ZFPM2: variants seen among roughly 807,000 people sequenced by gnomAD.
ZFPM2 encodes the protein zinc finger protein ZFPM2.
Under a neutral mutation model 98.6 loss-of-function variants are expected in ZFPM2, and 20 were observed. The observed-to-expected ratio is 0.20, with a 90% confidence interval of 0.14 to 0.29. The LOEUF is 0.29. Among genes scored for constraint, ZFPM2 ranks in the 10% least tolerant of loss-of-function variants. The pLI, the probability that ZFPM2 is intolerant of heterozygous loss-of-function variation, is 1.00. For synonymous variants in ZFPM2, 518 were observed against 502.7 expected, an observed-to-expected ratio of 1.03 and a Z score of -0.41; for missense variants, 1,310 against 1,388.6, an observed-to-expected ratio of 0.94 and a Z score of 0.90.
intron 3 of ZFPM2, among the ~76,000 whole-genome samples, chr8:105,454,791 CATTATTT>C (rs1812555739): frequency 6.6e-6 from 1 of 152,178 alleles, no homozygotes; most frequent in Admixed American, 6.5e-5. Context: ...GCATCGTTCT[CATTATTT>C]AAAACTTTTT....
In ZFPM2 at chr8:105,363,979, T is replaced by G. The variant is rs556724727; in HGVS notation, c.40+44998T>G. ...ATATTCTTGAAAACTGAGATATAGGTTTTTTTTCTAGAAAAGAAAATTTGT... is the reference window on the plus strand; with the variant it reads ...ATATTCTTGAAAACTGAGATATAGGGTTTTTTTCTAGAAAAGAAAATTTGT... On this transcript the variant is annotated intron_variant, in intron 1 of 7. Coordinates refer to ENST00000407775, the MANE Select transcript of ZFPM2 (RefSeq NM_012082.4). Among the ~76,000 whole-genome samples, 114 of 152,006 alleles carry G rather than the reference T, an allele frequency of 7.5e-4. 3 individuals are homozygous for G. In the South Asian group the frequency reaches 0.024, roughly 32 times the overall value.
At chr8:105,385,897 T>C (rs1447957926) in intron 1 of ZFPM2, among the ~76,000 whole-genome samples, 1 of 152,164 alleles carries the variant, frequency 6.6e-6, no homozygotes, top group Non-Finnish European at 1.5e-5. Context: ...TGGCTAAGTA[T>C]ATGGGTTCTG....
chr8:105,496,219 C>T (rs189512484), intron 3 of ZFPM2, among the ~76,000 whole-genome samples: 138 of 151,754 alleles, frequency 9.1e-4, no homozygotes, highest in African/African-American at 3.0e-3. Context: ...CTATGTTGTC[C>T]AGGCTGGGTC....
At chr8:105,741,657 C>T (rs1812218034) in intron 5 of ZFPM2, among the ~76,000 whole-genome samples, 1 of 151,936 alleles carries the variant, frequency 6.6e-6, no homozygotes, top group African/African-American at 2.4e-5. Context: ...GATAAGGAGG[C>T]ATGGTTGAGA....
chr8:105,492,393 G>GA (rs1193768082), intron 3 of ZFPM2, among the ~76,000 whole-genome samples: 2 of 152,002 alleles, frequency 1.3e-5, no homozygotes, highest in East Asian at 3.9e-4. Flanking sequence ...CTCTAGTACT[G>GA]AAAAAATAGT....
chr8:105,753,879 G>T (rs1176398549), intron 5 of ZFPM2, among the ~76,000 whole-genome samples: 1 of 152,062 alleles, frequency 6.6e-6, no homozygotes, highest in East Asian at 1.9e-4. Context: ...ATTGAATTTT[G>T]TACTGCTGTT....
intron 5 of ZFPM2, among the ~76,000 whole-genome samples, chr8:105,758,266 A>G (rs148451833): frequency 4.6e-5 from 7 of 152,268 alleles, no homozygotes; most frequent in African/African-American, 9.6e-5. Flanking sequence ...TATGGGATCA[A>G]TGAAGGAGGA....
chr8:105,632,500 A>G (rs544412220), intron 4 of ZFPM2, among the ~76,000 whole-genome samples: 275 of 152,294 alleles, frequency 1.8e-3, no homozygotes, highest in African/African-American at 6.5e-3. Flanking sequence ...TTTATCTGTC[A>G]GTCTGATAGT....
chr8:105,514,347 G>A (rs1813877493), intron 3 of ZFPM2, among the ~76,000 whole-genome samples: 1 of 140,102 alleles, frequency 7.1e-6, no homozygotes, highest in African/African-American at 2.7e-5. Flanking sequence ...AAATAAGGGA[G>A]CCAGATAGGC....
intron 5 of ZFPM2, among the ~76,000 whole-genome samples, chr8:105,724,526 C>T (rs537820919): frequency 9.2e-5 from 14 of 151,902 alleles, no homozygotes; most frequent in African/African-American, 1.9e-4. Context: ...AAGCAATTTA[C>T]TGGAAAGAGA....
At chr8:105,715,250 A>G (rs1426919669) in intron 5 of ZFPM2, among the ~76,000 whole-genome samples, 9 of 151,930 alleles carry the variant, frequency 5.9e-5, no homozygotes, top group Admixed American at 5.9e-4. Context: ...AAAATAGAAA[A>G]TTAGGCAGAT....
chr8:105,796,230 G>A (rs1345830683), intron 6 of ZFPM2, among the ~76,000 whole-genome samples: 2 of 140,156 alleles, frequency 1.4e-5, no homozygotes, highest in Admixed American at 1.4e-4. Flanking sequence ...ACCTGAATTT[G>A]AGGCAAAAGA....
chr8:105,803,890 G>GA lies in ZFPM2; in HGVS notation c.*356dup, dbSNP rs1271371880. The GA allele has an allele frequency of 5.8e-6, 1 of 172,064 alleles. No individual in the cohort carries two copies. The highest frequency in any genetic ancestry group is 2.5e-5 in the African/African-American group (1 of 39,876). 10.7% of individuals were successfully genotyped at this position (172,064 alleles called of 1,614,324 possible). A position where few individuals can be genotyped will look rare whatever the true frequency, so the allele number is the denominator to read the frequency against. On this transcript the variant is annotated 3_prime_UTR_variant, in exon 8 of 8. Transcript: ENST00000407775. ...TTTTAAAGAAAATAGTCACAATACA[G>GA]AAAAGCATTTTAGAAATAGCTTCAA...
chr8:105,591,597 T>A (rs1455237284), intron 4 of ZFPM2, among the ~76,000 whole-genome samples: 4 of 152,198 alleles, frequency 2.6e-5, no homozygotes, highest in Non-Finnish European at 5.9e-5. Context: ...CTTGTTTTTT[T>A]AATAATACTT....
chr8:105,610,430 A>C (rs1816285062), intron 4 of ZFPM2, among the ~76,000 whole-genome samples: 1 of 152,288 alleles, frequency 6.6e-6, no homozygotes, highest in African/African-American at 2.4e-5. Flanking sequence ...AAGTTAAAAT[A>C]GAAGAAGGTC....
At chr8:105,485,769 G>A (rs1813219473) in intron 3 of ZFPM2, among the ~76,000 whole-genome samples, 1 of 152,098 alleles carries the variant, frequency 6.6e-6, no homozygotes, top group Non-Finnish European at 1.5e-5. Flanking sequence ...TGGGGGAAAG[G>A]GACTCTGTAG....
At chr8:105,551,966 A>G (rs1473287871) in intron 3 of ZFPM2, among the ~76,000 whole-genome samples, 8 of 147,494 alleles carry the variant, frequency 5.4e-5, no homozygotes, top group Non-Finnish European at 1.1e-4. Context: ...TAAGTGAATT[A>G]TCTTCTTCTA....
Position 105,801,532 on chromosome 8 carries a change from G to A in ZFPM2, c.1450G>A (p.Val484Ile), listed in dbSNP as rs2131177635. ...PSSPRLASSP[V>I]QPNIGPSFPV... ...TAGCCCAAGACTTGCCTCATCTCCAGTTCAGCCTAATATTGGGCCTTCTTT... is the reference window on the plus strand; with the variant it reads ...TAGCCCAAGACTTGCCTCATCTCCAATTCAGCCTAATATTGGGCCTTCTTT... Residue 484 changes from valine to isoleucine, a missense_variant, in exon 8 of 8, where the codon GTT becomes ATT. Transcript: ENST00000407775. The A allele has an allele frequency of 6.2e-7, 1 of 1,613,914 alleles. No individual in the cohort carries two copies. Among genetic ancestry groups the A allele is most frequent in the Non-Finnish European group, 8.5e-7 (1 of 1,179,858 alleles).
chr8:105,656,979 C>T (rs1024996486), intron 5 of ZFPM2, among the ~76,000 whole-genome samples: 5 of 152,076 alleles, frequency 3.3e-5, no homozygotes, highest in African/African-American at 1.2e-4. Context: ...TGGTTTCTCT[C>T]TTCTCTCTTT....
Sources: allele counts gnomAD v4.1 joint callset (sites outside exome capture counted in the v4.1 genomes callset), GRCh38; gene constraint gnomAD v4.1.1; transcripts MANE v1.5; gene names NCBI Gene and HGNC (gene_info 2026-07-23, HGNC 2026-07-21).